Variants in ABCB5 observed in about 807,000 individuals in gnomAD.
ABCB5 encodes ATP binding cassette subfamily B member 5.
A neutral mutation model predicts 144.2 loss-of-function variants in ABCB5; 155 were observed. That is an observed-to-expected ratio of 1.08 (90% confidence interval 0.94 to 1.23). ABCB5 has a LOEUF of 1.23. Ranked by LOEUF, ABCB5 falls within the 50% of genes most tolerant of loss-of-function variation. The probability of loss-of-function intolerance (pLI) is 0.00; values close to 1 mark genes in which losing one functional copy is unlikely to be tolerated. For missense variants in ABCB5, 1,830 were observed against 1,520.8 expected (o/e 1.20, Z -3.38); for synonymous variants, 610 against 528.6 (o/e 1.15, Z -2.11).
chr7:20,690,968 T>C (rs1786200635), intron 16 of ABCB5, among the ~76,000 whole-genome samples: 1 of 152,174 alleles, frequency 6.6e-6, no homozygotes, highest in African/African-American at 2.4e-5. Context: ...CTAGATTTAC[T>C]TTCCTGCTTG....
At chr7:20,651,990 C>T (rs1043986321) in intron 13 of ABCB5, among the ~76,000 whole-genome samples, 3 of 151,810 alleles carry the variant, frequency 2.0e-5, no homozygotes, top group Non-Finnish European at 2.9e-5. Context: ...TAGTAACAAC[C>T]AAAAGAAGAA....
chr7:20,713,693 T>C (rs769289179), intron 20 of ABCB5, among the ~76,000 whole-genome samples: 3 of 149,562 alleles, frequency 2.0e-5, no homozygotes, highest in Non-Finnish European at 4.5e-5. Flanking sequence ...TTAAGGTTTG[T>C]CAAGCAGGAG....
chr7:20,692,581 T>C (rs1786267837), intron 16 of ABCB5, among the ~76,000 whole-genome samples: 1 of 151,266 alleles, frequency 6.6e-6, no homozygotes, highest in Non-Finnish European at 1.5e-5. Flanking sequence ...AATATACAAG[T>C]TACTATAAAA....
chr7:20,686,827 G>A (rs545959903), intron 16 of ABCB5, among the ~76,000 whole-genome samples: 5 of 152,024 alleles, frequency 3.3e-5, no homozygotes, highest in Admixed American at 6.6e-5. Context: ...CTCTTAGCCC[G>A]TCTTCATGCC....
intron 22 of ABCB5, among the ~76,000 whole-genome samples, chr7:20,727,433 A>G (rs550729600): frequency 6.6e-6 from 1 of 152,330 alleles, no homozygotes; most frequent in East Asian, 1.9e-4. Context: ...AACATACGCA[A>G]GAAAGAAAAT....
At chr7:20,719,688 G>A (rs962367911) in intron 20 of ABCB5, among the ~76,000 whole-genome samples, 6 of 152,182 alleles carry the variant, frequency 3.9e-5, no homozygotes, top group Non-Finnish European at 5.9e-5. Context: ...GAGGGTGTTC[G>A]TGCAGGGAAG....
In ABCB5 at chr7:20,737,424, G is replaced by T. The variant is rs139665547; in HGVS notation, c.2868-1559G>T. 6.2e-3 allele frequency among the ~76,000 whole-genome samples: 939 copies of T among 152,262 alleles called. 7 individuals are homozygous for T. The highest frequency in any genetic ancestry group is 0.022 in the African/African-American group (899 of 41,538). ...TACCTCCCACAAACACAAGCTCTGA[G>T]TTGAAGGCCCTTCTCCCTTTCTCAT... On this transcript the variant is annotated intron_variant, in intron 23 of 27. Transcript: ENST00000404938.
At chr7:20,631,993 ATCTG>A in intron 4 of ABCB5, 62 bp from the exon 5 acceptor site, 1 of 1,047,338 alleles carries the variant, frequency 9.5e-7, no homozygotes, top group Non-Finnish European at 1.3e-6. Context: ...TTGGAGGGCT[ATCTG>A]TGTAACAGTG....
chr7:20,632,994 TA>T (rs1784071202), intron 5 of ABCB5, among the ~76,000 whole-genome samples: 2 of 151,668 alleles, frequency 1.3e-5, no homozygotes, highest in African/African-American at 4.8e-5. Flanking sequence ...ACATGTACCC[TA>T]AAACTTAAAG....
At chr7:20,740,123 C>G (rs1782515816) in intron 24 of ABCB5, among the ~76,000 whole-genome samples, 1 of 152,034 alleles carries the variant, frequency 6.6e-6, no homozygotes, top group African/African-American at 2.4e-5. Flanking sequence ...ACCTGTAGTC[C>G]CAGCTACTCG....
chr7:20,650,569 C>T (rs201217201), intron 12 of ABCB5, among the ~76,000 whole-genome samples: 17,095 of 147,056 alleles, frequency 0.12, 1,095 homozygotes, highest in East Asian at 0.17. Flanking sequence ...TTTTCTTTTC[C>T]TTTTTTTTTT....
chr7:20,645,614 A>G, intron 7 of ABCB5, 142 bp from the exon 8 acceptor site: 1 of 1,044,000 alleles, frequency 9.6e-7, no homozygotes, highest in Non-Finnish European at 1.3e-6. Context: ...TAGTATTTGA[A>G]GACAAATTTT....
chr7:20,681,580 C>T lies in ABCB5; in HGVS notation c.1783C>T (p.Leu595=). The change falls in exon 15 of 28, where the codon CTA becomes TTA. Residue 595 remains leucine, a synonymous_variant. Coordinates refer to ENST00000404938, the MANE Select transcript of ABCB5 (RefSeq NM_001163941.2). ...TIRSADLIVT[L]KDGMLAEKGA... ...TCGAAGTGCAGATTTGATTGTGACC[C>T]TAAAGGATGGAATGCTGGCGGAGAA... The T allele has an allele frequency of 1.2e-6, 2 of 1,614,128 alleles. No homozygotes were observed. The highest frequency in any genetic ancestry group is 1.7e-6 in the Non-Finnish European group (2 of 1,180,028).
rs539359946 is a variant in ABCB5 at position 20,704,465 on chromosome 7, A to G, written c.2338-259A>G. The stretch of plus-strand genomic sequence containing the variant: ...TTGATGGTTGAAAATGACCATTTTA[A>G]TTCAACATTGATTATTATACTATAT... On this transcript the variant is annotated intron_variant, in intron 19 of 27. Transcript: ENST00000404938. 5.9e-5 allele frequency among the ~76,000 whole-genome samples: 9 copies of G among 152,344 alleles called. No homozygotes were observed. In the East Asian group the frequency reaches 1.5e-3, roughly 26 times the overall value.
In ABCB5 at chr7:20,670,806, G is replaced by C. The variant is rs370898530; in HGVS notation, c.1708-10699G>C. ...TGCCTGTAATCCCAGCTACTTGGGA[G>C]GCTGAGGCAGGAGAATCGCTTGAAC... On this transcript the variant is annotated intron_variant, in intron 14 of 27. Transcript: ENST00000404938. Among the ~76,000 whole-genome samples, 29 of 152,342 alleles carry C rather than the reference G, an allele frequency of 1.9e-4. No homozygotes were observed. The Middle Eastern group carries it at 0.01, about 54-fold the overall frequency.
chr7:20,713,333 C>T (rs1278685219), intron 20 of ABCB5, among the ~76,000 whole-genome samples: 1 of 148,832 alleles, frequency 6.7e-6, no homozygotes, highest in Non-Finnish European at 1.5e-5. Flanking sequence ...TGGGAGCAGG[C>T]TCAAGCAATC....
At chr7:20,674,429 A>T (rs1337614584) in intron 14 of ABCB5, among the ~76,000 whole-genome samples, 1 of 151,910 alleles carries the variant, frequency 6.6e-6, no homozygotes, top group Non-Finnish European at 1.5e-5. Flanking sequence ...TACCTTAAAG[A>T]TGTTGCTCAC....
At chr7:20,682,694 C>T (rs1785868761) in intron 15 of ABCB5, among the ~76,000 whole-genome samples, 1 of 152,150 alleles carries the variant, frequency 6.6e-6, no homozygotes, top group African/African-American at 2.4e-5. Context: ...GCCTGGCACA[C>T]AGTGGGCACT....
intron 1 of ABCB5, among the ~76,000 whole-genome samples, chr7:20,619,318 T>A (rs760525883): frequency 2.0e-5 from 3 of 152,202 alleles, no homozygotes; most frequent in Non-Finnish European, 2.9e-5. Flanking sequence ...TATATAAGTG[T>A]TCCCTCTTCT....
Sources: gnomAD v4.1 joint callset for allele counts (sites outside exome capture counted in the v4.1 genomes callset) on GRCh38, gnomAD v4.1.1 for gene constraint, MANE v1.5 for transcripts, NCBI Gene and HGNC (gene_info 2026-07-23, HGNC 2026-07-21) for gene names.